The following PIK3R3 variants were observed in gnomAD, a reference collection of about 807,000 sequenced individuals.
PIK3R3 encodes the protein phosphoinositide-3-kinase regulatory subunit 3, also known as phosphatidylinositol 3-kinase regulatory subunit gamma.
A neutral mutation model predicts 62.9 loss-of-function variants in PIK3R3; 64 were observed. The ratio of observed to expected loss-of-function variants is 1.02; its 90% CI spans 0.83 to 1.25. The LOEUF is 1.25. Among genes scored for constraint, PIK3R3 ranks in the 50% most tolerant of loss-of-function variants. The pLI is 0.00. For synonymous variants in PIK3R3, 165 were observed against 189.0 expected (o/e 0.87, Z 1.04); for missense variants, 614 against 561.6 (o/e 1.09, Z -0.94).
chr1:46,144,722 C>T, the PIK3R3 span, among the ~76,000 whole-genome samples: 2 of 146,150 alleles, frequency 1.4e-5, no homozygotes. Flanking sequence ...GAGCCAAGAT[C>T]GTGCCACTGC....
intron 1 of PIK3R3, among the ~76,000 whole-genome samples, chr1:46,122,139 C>T (rs1379041206): frequency 6.6e-6 from 1 of 151,498 alleles, no homozygotes; most frequent in Non-Finnish European, 1.5e-5. Flanking sequence ...TAAGATAACC[C>T]TTTTACTTTA....
chr1:46,043,696 G>A lies in PIK3R3; in HGVS notation c.1363C>T (p.Gln455Ter), dbSNP rs767870414. 5 of 1,614,084 alleles carry A rather than the reference G, an allele frequency of 3.1e-6. No individual in the cohort carries two copies. In the African/African-American group the frequency reaches 6.7e-5, roughly 22 times the overall value. ...CTTTATCTGCAAAGCGAGGGCATCT[G>A]TGCATGAACAGGGTAGGCAAGCCTG... ...NVRLAYPVHA[Q>*]MPSLCR Residue 455 changes from glutamine (Q) to a stop codon, truncating the protein, a stop_gained, in exon 10 of 10, where the codon CAG (glutamine) becomes TAG (stop). Transcript: ENST00000262741. LOFTEE classifies it high-confidence loss of function.
rs539180747 is a variant in PIK3R3, at chr1:46,060,186, G to C, written c.764+1743C>G. ...ACAAATCCTTTTCTGTTTCTTCATC[G>C]TTAATAATAATTATAATTAGGCCAG... On this transcript the variant is annotated intron_variant, in intron 6 of 9. Transcript: ENST00000262741. Among the ~76,000 whole-genome samples, 10 of 150,740 alleles carry C rather than the reference G, an allele frequency of 6.6e-5. No individual in the cohort carries two copies. In the South Asian group the frequency reaches 1.5e-3, roughly 22 times the overall value.
chr1:46,096,746 T>G (rs1652162669), intron 1 of PIK3R3, among the ~76,000 whole-genome samples: 1 of 149,214 alleles, frequency 6.7e-6, no homozygotes, highest in East Asian at 2.0e-4. Flanking sequence ...AAGGCTGAGG[T>G]GGGAGGATCG....
At chr1:46,064,622 C>A (rs1309095482) in intron 5 of PIK3R3, among the ~76,000 whole-genome samples, 1 of 151,748 alleles carries the variant, frequency 6.6e-6, no homozygotes, top group Non-Finnish European at 1.5e-5. Context: ...TTACTAACAA[C>A]AAAACTAATT....
chr1:46,082,771 A>C (rs1650720542), intron 1 of PIK3R3, among the ~76,000 whole-genome samples: 1 of 152,148 alleles, frequency 6.6e-6, no homozygotes, highest in Non-Finnish European at 1.5e-5. Context: ...CCCAAAGAGA[A>C]GTCCCTTAGT....
intron 1 of PIK3R3, among the ~76,000 whole-genome samples, chr1:46,110,274 GC>G (rs1653618724): frequency 1.6e-5 from 2 of 127,054 alleles, no homozygotes; most frequent in East Asian, 2.4e-4. Context: ...ACCAGGCTTG[GC>G]TTTTTTTTTT....
the PIK3R3 span, among the ~76,000 whole-genome samples, chr1:46,158,119 C>T: frequency 6.6e-6 from 1 of 152,176 alleles, no homozygotes; most frequent in Non-Finnish European, 1.5e-5. Context: ...CCCCATCCCA[C>T]TCCTTCTCAC....
intron 3 of PIK3R3, 49 bp from the exon 4 acceptor site, chr1:46,067,140 C>G (rs1329312021): frequency 7.3e-7 from 1 of 1,368,974 alleles, no homozygotes; most frequent in Non-Finnish European, 9.9e-7. Context: ...CCAAATTCAA[C>G]TGAACTACTG....
intron 1 of PIK3R3, among the ~76,000 whole-genome samples, chr1:46,120,772 G>GT (rs1231716864): frequency 3.9e-5 from 6 of 152,070 alleles, no homozygotes; most frequent in Admixed American, 3.9e-4. Context: ...ATATACCTCA[G>GT]TAGAAGCCAA....
intron 1 of PIK3R3, among the ~76,000 whole-genome samples, chr1:46,101,829 A>G (rs2149442783): frequency 6.6e-6 from 1 of 152,338 alleles, no homozygotes; most frequent in East Asian, 1.9e-4. Flanking sequence ...GAGTTTCTAT[A>G]TGGAAGATGA....
At chr1:46,055,499 C>T (rs1051506158) in intron 7 of PIK3R3, among the ~76,000 whole-genome samples, 2 of 152,186 alleles carry the variant, frequency 1.3e-5, no homozygotes, top group African/African-American at 4.8e-5. Context: ...TTTAGGCAAA[C>T]ATTAATCTGT....
In PIK3R3 at chr1:46,040,273, A is replaced by T. The variant is rs972691606; in HGVS notation, c.*3400T>A. On this transcript the variant is annotated 3_prime_UTR_variant, in exon 10 of 10. Transcript: ENST00000262741. ...TCCCCCTACCCTCCCCAACAATTGC[A>T]CAGCAATGTCTGAACACATCTGGTG... The T allele has an allele frequency of 4.3e-6, 1 of 232,770 alleles. No individual in the cohort carries two copies. The highest frequency in any genetic ancestry group is 8.5e-6 in the Non-Finnish European group (1 of 117,540). The allele number at this position is 232,770 out of a possible 1,614,324, so 14.4% of individuals were successfully genotyped here.
chr1:46,085,373 T>G (rs1007021455), intron 1 of PIK3R3, among the ~76,000 whole-genome samples: 1 of 152,192 alleles, frequency 6.6e-6, no homozygotes, highest in Non-Finnish European at 1.5e-5. Context: ...CATATGGACT[T>G]TATAATCCAA....
chr1:46,146,333 G>A, the PIK3R3 span, among the ~76,000 whole-genome samples: 1 of 152,078 alleles, frequency 6.6e-6, no homozygotes, highest in East Asian at 1.9e-4. Context: ...AAATTATTTT[G>A]GTCAATCACT....
chr1:46,072,338 C>T (rs1484472412), intron 3 of PIK3R3, among the ~76,000 whole-genome samples: 2 of 152,210 alleles, frequency 1.3e-5, no homozygotes, highest in Non-Finnish European at 2.9e-5. Context: ...CACTCTTCTG[C>T]CTTGCAAAAA....
intron 1 of PIK3R3, among the ~76,000 whole-genome samples, chr1:46,101,171 CA>C (rs1171228788): frequency 0.023 from 1,663 of 73,546 alleles, 10 homozygotes; most frequent in Middle Eastern, 0.045. Context: ...GACTCCGTCT[CA>C]AAAAAAAAAA....
intron 7 of PIK3R3, among the ~76,000 whole-genome samples, chr1:46,054,001 C>T (rs141620701): frequency 9.6e-4 from 146 of 152,236 alleles, no homozygotes; most frequent in African/African-American, 3.3e-3. Flanking sequence ...ATACACTTGG[C>T]TTGACTTTTG....
At chr1:46,053,920 G>A (rs184984848) in intron 7 of PIK3R3, among the ~76,000 whole-genome samples, 1 of 152,170 alleles carries the variant, frequency 6.6e-6, no homozygotes, top group East Asian at 1.9e-4. Flanking sequence ...AGCATTCCAA[G>A]AGCAGACACA....
Sources: gnomAD v4.1 joint callset for allele counts (sites outside exome capture counted in the v4.1 genomes callset) on GRCh38, gnomAD v4.1.1 for gene constraint, MANE v1.5 for transcripts, NCBI Gene and HGNC (gene_info 2026-07-23, HGNC 2026-07-21) for gene names.